The following DIP2C variants were observed in gnomAD, a reference collection of about 807,000 sequenced individuals.
The protein encoded by DIP2C is disco-interacting protein 2 homolog C.
In DIP2C, 33 loss-of-function variants were observed where a neutral mutation model predicts 192.4. The ratio of observed to expected loss-of-function variants is 0.17; its 90% confidence interval spans 0.13 to 0.23. The LOEUF (loss-of-function observed/expected upper bound fraction) is 0.23, where lower values mean the gene tolerates loss of function less well. Among genes scored for constraint, DIP2C ranks in the 10% least tolerant of loss-of-function variants. The pLI, the probability that DIP2C is intolerant of heterozygous loss-of-function variation, is 1.00. For missense variants in DIP2C, 1,537 were observed against 2,110.1 expected (o/e 0.73, Z 5.32); for synonymous variants, 979 against 864.1 (o/e 1.13, Z -2.33).
intron 4 of DIP2C, among the ~76,000 whole-genome samples, chr10:435,269 T>C (rs989133812): frequency 1.3e-5 from 2 of 152,210 alleles, no homozygotes; most frequent in Non-Finnish European, 2.9e-5. Flanking sequence ...ACCAGGTTAG[T>C]CTCTAGTTAA....
chr10:673,576 G>A (rs911757898), intron 1 of DIP2C, among the ~76,000 whole-genome samples: 15 of 152,190 alleles, frequency 9.9e-5, no homozygotes, highest in African/African-American at 3.1e-4. Context: ...CTCCCTGCAT[G>A]AGAATTCCTG....
rs749914914 is a variant in DIP2C, at chr10:419,173, T to C, written c.631A>G (p.Thr211Ala). The part of the protein sequence containing the change: ...IENHSAPPDV[T>A]TYTSEHSIQV... ...ATCGAGTGCTCTGAGGTGTACGTGGTTACGTCAGGAGGTGCAGAATGATTT... is the reference window on the plus strand; with the variant it reads ...ATCGAGTGCTCTGAGGTGTACGTGGCTACGTCAGGAGGTGCAGAATGATTT... Residue 211 changes from threonine to alanine, a missense_variant, in exon 6 of 37, where the codon ACC (threonine) becomes GCC (alanine). Physicochemically the swap from Thr to Ala is moderately conservative, Grantham distance 58. Coordinates refer to ENST00000280886, the MANE Select transcript of DIP2C (RefSeq NM_014974.3). The C allele has an allele frequency of 6.2e-7, 1 of 1,614,220 alleles. No individual in the cohort carries two copies. Among genetic ancestry groups the C allele is most frequent in the East Asian group, 2.2e-5 (1 of 44,876 alleles).
At position 624,116 on chromosome 10, in the gene DIP2C, C is replaced by T. The variant is rs554695089; in HGVS notation, c.85+65378G>A. 6.6e-5 allele frequency among the ~76,000 whole-genome samples: 10 copies of T among 152,318 alleles called. 1 individual carries two copies. In the South Asian group the frequency reaches 1.5e-3, roughly 22 times the overall value. ...ACTCGGGAACTGCCCAGCCCAAGGG[C>T]GCAGCCCCTGACCAGAGAAGGGAGC... On this transcript the variant is annotated intron_variant, in intron 1 of 36. Transcript: ENST00000280886.
At chr10:317,408 G>A (rs1053951871) in intron 31 of DIP2C, among the ~76,000 whole-genome samples, 2 of 152,240 alleles carry the variant, frequency 1.3e-5, no homozygotes, top group African/African-American at 2.4e-5. Flanking sequence ...AGCACCATGA[G>A]GCTGGCAGCC....
In DIP2C at chr10:357,900, G is replaced by A. The variant is rs779217566; in HGVS notation, c.2832C>T (p.Val944=). 1 of 1,612,594 alleles carries A rather than the reference G, an allele frequency of 6.2e-7. No individual in the cohort carries two copies. Among genetic ancestry groups the A allele is most frequent in the Non-Finnish European group, 8.5e-7 (1 of 1,179,886 alleles). ...TGGCCTGGGCGATTCTCTTCCCAGA[G>A]ACCAGGTTCCCCACCATCACAGAGG... The part of the protein sequence containing the change: ...GPASVMVGNL[V]SGKRIAQASG... The change falls in exon 23 of 37, where the codon GTC becomes GTT. Residue 944 remains valine (V), a synonymous_variant. Coordinates refer to ENST00000280886, the MANE Select transcript of DIP2C (RefSeq NM_014974.3).
In DIP2C at chr10:458,196, G is replaced by A. The variant is rs149892745; in HGVS notation, c.268+14243C>T. The stretch of plus-strand genomic sequence containing the variant: ...AGTGGCTACACAGTCCTACTTGGCC[G>A]CACTGTAGGCCGCCTTCTCTCCTAG... On this transcript the variant is annotated intron_variant, in intron 3 of 36. Coordinates refer to ENST00000280886, the MANE Select transcript of DIP2C (RefSeq NM_014974.3). Among the ~76,000 whole-genome samples, 333 of 152,316 alleles carry A rather than the reference G, an allele frequency of 2.2e-3. 4 individuals are homozygous for A. Among genetic ancestry groups the A allele is most frequent in the African/African-American group, 7.0e-3 (293 of 41,566 alleles).
chr10:648,747 A>G (rs10904534), intron 1 of DIP2C, among the ~76,000 whole-genome samples: 130,760 of 144,442 alleles, frequency 0.91, 59,448 homozygotes, highest in South Asian at 0.97. Context: ...CACAGTGGAC[A>G]GTGGGCGAGA....
At chr10:621,886 A>T (rs1853873563) in intron 1 of DIP2C, among the ~76,000 whole-genome samples, 1 of 152,034 alleles carries the variant, frequency 6.6e-6, no homozygotes, top group South Asian at 2.1e-4. Context: ...GAAACATGTG[A>T]CCTAGAATCT....
At chr10:389,262 CAGG>C (rs1410966745) in intron 13 of DIP2C, among the ~76,000 whole-genome samples, 1 of 152,124 alleles carries the variant, frequency 6.6e-6, no homozygotes, top group African/African-American at 2.4e-5. Flanking sequence ...CAGAACATCT[CAGG>C]AGGTTTCAGG....
intron 24 of DIP2C, among the ~76,000 whole-genome samples, chr10:355,447 A>G (rs1959036129): frequency 6.6e-6 from 1 of 152,230 alleles, no homozygotes; most frequent in South Asian, 2.1e-4. Context: ...TGCTTCGCAC[A>G]CTAAGATTTT....
chr10:460,607 A>G (rs544176615), intron 3 of DIP2C, among the ~76,000 whole-genome samples: 13 of 152,200 alleles, frequency 8.5e-5, no homozygotes, highest in Non-Finnish European at 1.9e-4. Flanking sequence ...TGATGGGGAG[A>G]ATGGAACAAG....
chr10:491,793 C>T lies in DIP2C; in HGVS notation c.86-5263G>A, dbSNP rs564764648. 1.6e-4 allele frequency among the ~76,000 whole-genome samples: 25 copies of T among 152,366 alleles called. No individual in the cohort carries two copies. In the South Asian group the frequency reaches 3.3e-3, roughly 20 times the overall value. Reference sequence around the variant, plus strand: ...ATTCATTCAGTATCTATTTCACATTCAATTCATGAGAGACGTCCAAGTTGA... The same window carrying T: ...ATTCATTCAGTATCTATTTCACATTTAATTCATGAGAGACGTCCAAGTTGA... On this transcript the variant is annotated intron_variant, in intron 1 of 36. Coordinates refer to ENST00000280886, the MANE Select transcript of DIP2C (RefSeq NM_014974.3).
At chr10:557,111 G>C (rs1564197072) in intron 1 of DIP2C, among the ~76,000 whole-genome samples, 1 of 152,358 alleles carries the variant, frequency 6.6e-6, no homozygotes, top group East Asian at 1.9e-4. Context: ...CGGCCACCTT[G>C]ACACTGGGCG....
chr10:649,788 TATCC>T, intron 1 of DIP2C, among the ~76,000 whole-genome samples: 1 of 152,360 alleles, frequency 6.6e-6, no homozygotes, highest in South Asian at 2.1e-4. Context: ...ATCCTCTATG[TATCC>T]TACATAAAAG....
intron 1 of DIP2C, among the ~76,000 whole-genome samples, chr10:577,262 G>A (rs953733440): frequency 3.3e-5 from 5 of 152,192 alleles, no homozygotes; most frequent in Non-Finnish European, 7.3e-5. Flanking sequence ...TGGATTTAGA[G>A]AACATGTAAA....
intron 9 of DIP2C, among the ~76,000 whole-genome samples, chr10:406,802 G>A (rs1564670581): frequency 1.3e-5 from 2 of 152,026 alleles, no homozygotes; most frequent in African/African-American, 4.8e-5. Flanking sequence ...TTGCTCCTGG[G>A]GATAACATCA....
intron 1 of DIP2C, among the ~76,000 whole-genome samples, chr10:493,136 C>T (rs993120592): frequency 2.0e-5 from 3 of 152,218 alleles, no homozygotes; most frequent in Non-Finnish European, 4.4e-5. Context: ...ACGAGGTCCC[C>T]GGAGATGCCC....
chr10:503,736 G>A (rs984318478), intron 1 of DIP2C, among the ~76,000 whole-genome samples: 2 of 152,162 alleles, frequency 1.3e-5, no homozygotes, highest in Non-Finnish European at 1.5e-5. Context: ...GCCTCTATAT[G>A]CACACTGAGG....
chr10:368,370 AATTAAAT>A (rs1206727011), intron 18 of DIP2C, among the ~76,000 whole-genome samples: 1 of 152,224 alleles, frequency 6.6e-6, no homozygotes, highest in Admixed American at 6.5e-5. Context: ...TTTATTTGAA[AATTAAAT>A]ATTAAAGAAA....
Sources: allele counts gnomAD v4.1 joint callset (sites outside exome capture counted in the v4.1 genomes callset), GRCh38; gene constraint gnomAD v4.1.1; transcripts MANE v1.5; gene names NCBI Gene and HGNC (gene_info 2026-07-23, HGNC 2026-07-21).